Variants in ATG10 observed in about 807,000 individuals in gnomAD.
ATG10 encodes the protein autophagy related 10.
A neutral mutation model predicts 32.1 loss-of-function variants in ATG10; 30 were observed. The ratio of observed to expected loss-of-function variants is 0.94; its 90% confidence interval spans 0.70 to 1.27. The LOEUF is 1.27. Ranked by LOEUF, ATG10 falls within the 50% of genes most tolerant of loss-of-function variation. The pLI is 0.00. For missense variants in ATG10, 233 were observed against 262.3 expected (o/e 0.89, Z 0.77); for synonymous variants, 87 against 91.5 (o/e 0.95, Z 0.28).
intron 5 of ATG10, among the ~76,000 whole-genome samples, chr5:82,212,589 C>T (rs919694803): frequency 6.6e-6 from 1 of 152,162 alleles, no homozygotes; most frequent in Non-Finnish European, 1.5e-5. Flanking sequence ...TTTAAACCTA[C>T]CATATTGGCA....
At chr5:82,087,414 T>C (rs1290069074) in intron 3 of ATG10, among the ~76,000 whole-genome samples, 1 of 152,228 alleles carries the variant, frequency 6.6e-6, no homozygotes, top group East Asian at 1.9e-4. Context: ...TTAGGGGATC[T>C]GTCTGAATGG....
intron 3 of ATG10, among the ~76,000 whole-genome samples, chr5:82,062,765 A>G (rs1763825017): frequency 6.6e-6 from 1 of 152,146 alleles, no homozygotes; most frequent in Admixed American, 6.5e-5. Context: ...AGCCACCACC[A>G]CCAGTTATCT....
chr5:82,110,003 A>G (rs537461511), intron 3 of ATG10, among the ~76,000 whole-genome samples: 5 of 146,834 alleles, frequency 3.4e-5, no homozygotes, highest in East Asian at 4.3e-4. Context: ...CCTGTGTCCA[A>G]ATGTTCTCAT....
At chr5:82,098,709 G>A (rs1765158342) in intron 3 of ATG10, among the ~76,000 whole-genome samples, 1 of 152,158 alleles carries the variant, frequency 6.6e-6, no homozygotes, top group Admixed American at 6.5e-5. Flanking sequence ...AAATGGGACT[G>A]GTAAAGAATT....
At chr5:82,210,162 G>T (rs1009969117) in intron 5 of ATG10, among the ~76,000 whole-genome samples, 1 of 152,040 alleles carries the variant, frequency 6.6e-6, no homozygotes, top group Non-Finnish European at 1.5e-5. Context: ...TTGGGTTTTG[G>T]TCAAGTCTTT....
At position 82,013,334 on chromosome 5, in the gene ATG10, T is replaced by G. The variant is rs117140378; in HGVS notation, c.108+25656T>G. ...AACATACGATGTTTGGTTTTGCATT[T>G]CTGAGTTACTTCACTTATAATAATG... is the stretch of plus-strand genomic sequence containing the variant. On this transcript the variant is annotated intron_variant, in intron 2 of 7. Transcript: ENST00000282185. Among the ~76,000 whole-genome samples the G allele has an allele frequency of 2.9e-3, 446 of 152,336 alleles. 11 individuals carry two copies. The East Asian group carries it at 0.076, about 26-fold the overall frequency.
chr5:82,112,402 T>C (rs950591324), intron 3 of ATG10, among the ~76,000 whole-genome samples: 1 of 151,870 alleles, frequency 6.6e-6, no homozygotes, highest in African/African-American at 2.4e-5. Context: ...TTTTTTCAGA[T>C]TTTGGGGGGT....
chr5:82,148,687 C>T (rs1294990973), intron 3 of ATG10, among the ~76,000 whole-genome samples: 2 of 152,140 alleles, frequency 1.3e-5, no homozygotes, highest in Non-Finnish European at 2.9e-5. Flanking sequence ...TACAATTCTG[C>T]ATTTTCTTCC....
chr5:81,986,904 G>A (rs1296450223), intron 1 of ATG10, among the ~76,000 whole-genome samples: 2 of 151,950 alleles, frequency 1.3e-5, no homozygotes, highest in African/African-American at 4.8e-5. Flanking sequence ...ATTAGCCAGC[G>A]TGGTGGCTTG....
In ATG10 at chr5:82,252,585, C is replaced by CT; in HGVS notation, c.483dup (p.Val162CysfsTer9). On this transcript the variant is annotated frameshift_variant, in exon 6 of 8. Coordinates refer to ENST00000282185, the MANE Select transcript of ATG10 (RefSeq NM_031482.5). LOFTEE classifies it high-confidence loss of function. ...AGGAACATCCAATACTTGGGCAACC[C>CT]TTTTTTGTACTTCATCCCTGCAAGA... is the stretch of plus-strand genomic sequence containing the variant. The CT allele has an allele frequency of 6.2e-7, 1 of 1,608,884 alleles. No homozygotes were observed. Among genetic ancestry groups the CT allele is most frequent in the South Asian group, 1.1e-5 (1 of 90,014 alleles).
intron 2 of ATG10, among the ~76,000 whole-genome samples, chr5:82,040,251 G>A (rs1763044832): frequency 6.6e-6 from 1 of 152,110 alleles, no homozygotes; most frequent in African/African-American, 2.4e-5. Flanking sequence ...TCTTTAATTT[G>A]CTACAGTTAT....
intron 3 of ATG10, among the ~76,000 whole-genome samples, chr5:82,127,223 A>C (rs1766315870): frequency 6.6e-6 from 1 of 152,018 alleles, no homozygotes. Context: ...TAATATTTTC[A>C]GAAAACCATC....
chr5:82,021,342 CT>C (rs1762429364), intron 2 of ATG10, among the ~76,000 whole-genome samples: 1 of 152,096 alleles, frequency 6.6e-6, no homozygotes, highest in Admixed American at 6.6e-5. Flanking sequence ...CTCAGTATCC[CT>C]GGGGGGATTG....
At chr5:81,993,413 C>CT (rs763623941) in intron 2 of ATG10, among the ~76,000 whole-genome samples, 3 of 106,718 alleles carry the variant, frequency 2.8e-5, no homozygotes, top group Non-Finnish European at 5.6e-5. Flanking sequence ...CTTTTCTTTT[C>CT]TTTTCTTTTC....
intron 5 of ATG10, among the ~76,000 whole-genome samples, chr5:82,219,663 C>T (rs1745840024): frequency 6.6e-6 from 1 of 152,202 alleles, no homozygotes; most frequent in Non-Finnish European, 1.5e-5. Context: ...CCAGCAACAC[C>T]TTCACATCCA....
At chr5:82,220,392 A>G (rs138983673) in intron 5 of ATG10, among the ~76,000 whole-genome samples, 20,273 of 149,816 alleles carry the variant, frequency 0.14, 1,997 homozygotes, top group African/African-American at 0.28. Context: ...CCTCCCAAGT[A>G]GCTGGGACTA....
chr5:82,047,096 G>A (rs1199413576), intron 2 of ATG10, among the ~76,000 whole-genome samples: 2 of 151,368 alleles, frequency 1.3e-5, no homozygotes, highest in East Asian at 3.9e-4. Flanking sequence ...AACTTAAATT[G>A]GAAGCAGGAA....
intron 2 of ATG10, among the ~76,000 whole-genome samples, chr5:82,025,650 T>C (rs980560992): frequency 1.1e-4 from 17 of 152,178 alleles, no homozygotes; most frequent in Non-Finnish European, 4.4e-5. Flanking sequence ...GTAGTCATAA[T>C]TAACAGTGTT....
intron 5 of ATG10, among the ~76,000 whole-genome samples, chr5:82,179,916 A>G (rs1339904603): frequency 1.3e-5 from 2 of 152,068 alleles, no homozygotes; most frequent in Non-Finnish European, 2.9e-5. Flanking sequence ...AGGTATTTGT[A>G]TCTTTCACAC....
Sources: gnomAD v4.1 joint callset for allele counts (sites outside exome capture counted in the v4.1 genomes callset) on GRCh38, gnomAD v4.1.1 for gene constraint, MANE v1.5 for transcripts, NCBI Gene and HGNC (gene_info 2026-07-23, HGNC 2026-07-21) for gene names.